Variants in RADX observed in about 807,000 individuals in gnomAD.
RADX encodes the protein RPA-related protein RADX.
A neutral mutation model predicts 61.6 loss-of-function variants in RADX; 36 were observed. The ratio of observed to expected loss-of-function variants is 0.58; its 90% confidence interval spans 0.45 to 0.77. The LOEUF is 0.77. RADX is among the 30% of genes least tolerant of loss of function. RADX has a pLI of 0.00. For missense variants in RADX, 497 were observed against 651.1 expected (o/e 0.76, Z 2.58); for synonymous variants, 272 against 237.9 (o/e 1.14, Z -1.32).
At chrX:106,637,024 G>C (rs751779202) in intron 7 of RADX, among the ~76,000 whole-genome samples, 1 of 111,643 alleles carries the variant, frequency 9.0e-6, no homozygotes, top group East Asian at 2.8e-4. Context: ...AAACAAAACT[G>C]AGTGTCAAAT....
At chrX:106,613,237 G>A (rs1414358649) in intron 1 of RADX, among the ~76,000 whole-genome samples, 3 of 111,892 alleles carry the variant, frequency 2.7e-5, no homozygotes, top group Admixed American at 9.5e-5. Flanking sequence ...TTGAAACGCC[G>A]TGTAACAGTT....
rs138814617 is a variant in RADX, at chrX:106,614,273, A to G, written c.643+1550A>G. ...GCAGTTTGTTGTGTATTTTTTTAAA[A>G]AAAAGGAATTAATGTCGCATTGTGT... On this transcript the variant is annotated intron_variant, in intron 1 of 13. Coordinates refer to ENST00000372548, the MANE Select transcript of RADX (RefSeq NM_018015.6). 1.1e-3 allele frequency among the ~76,000 whole-genome samples: 127 copies of G among 111,934 alleles called. No homozygotes were observed. The East Asian group carries it at 0.034, about 30-fold the overall frequency.
At chrX:106,653,303 T>G (rs1170989814) in intron 11 of RADX, among the ~76,000 whole-genome samples, 5 of 110,874 alleles carry the variant, frequency 4.5e-5, no homozygotes, top group African/African-American at 6.5e-5. Flanking sequence ...ATAGTTTATA[T>G]AGAAGTAAAG....
intron 3 of RADX, among the ~76,000 whole-genome samples, chrX:106,626,065 A>G (rs1927068917): frequency 8.9e-6 from 1 of 111,770 alleles, no homozygotes; most frequent in Admixed American, 9.6e-5. Context: ...GTATTGGTAT[A>G]TTGACATCAC....
At chrX:106,656,047 T>C (rs949191029) in intron 11 of RADX, among the ~76,000 whole-genome samples, 9 of 112,394 alleles carry the variant, frequency 8.0e-5, no homozygotes, top group African/African-American at 2.9e-4. Context: ...TCTTTCAAAA[T>C]TGGAGTCACT....
intron 12 of RADX, among the ~76,000 whole-genome samples, chrX:106,664,969 CTTCA>C (rs763189311): frequency 9.0e-6 from 1 of 111,636 alleles, no homozygotes; most frequent in African/African-American, 3.2e-5. Flanking sequence ...GTATTCATAT[CTTCA>C]TTCATTCAGG....
Position 106,669,314 on chromosome X carries a change from T to C in RADX, c.2421T>C (p.Gly807=), listed in dbSNP as rs1403706039. ...QDTTGNDRLP[G]PRAVAGDIIK... is the part of the protein sequence containing the mutation. ...CAACTGGAAATGACCGATTGCCAGG[T>C]CCAAGAGCGGTTGCAGGTAAAACAA... The change falls in exon 13 of 14, where the codon GGT becomes GGC. Residue 807 remains glycine (G), a synonymous_variant. Coordinates refer to ENST00000372548, the MANE Select transcript of RADX (RefSeq NM_018015.6). 4 of 1,188,134 alleles carry C rather than the reference T, an allele frequency of 3.4e-6. No individual in the cohort carries two copies. Among genetic ancestry groups the C allele is most frequent in the Non-Finnish European group, 4.5e-6 (4 of 884,626 alleles).
chrX:106,626,623 T>C (rs1927080027), intron 3 of RADX, among the ~76,000 whole-genome samples: 1 of 112,231 alleles, frequency 8.9e-6, no homozygotes, highest in Non-Finnish European at 1.9e-5. Context: ...GTATGAGAAA[T>C]TATTTATGCT....
intron 8 of RADX, 89 bp downstream of exon 8, chrX:106,638,013 C>A: frequency 2.6e-6 from 2 of 775,133 alleles, no homozygotes; most frequent in African/African-American, 2.1e-5. Context: ...TTATTCTTTT[C>A]TTTTATGGGA....
At chrX:106,629,855 G>A (rs1362608849) in intron 3 of RADX, among the ~76,000 whole-genome samples, 1 of 111,519 alleles carries the variant, frequency 9.0e-6, no homozygotes, top group African/African-American at 3.3e-5. Flanking sequence ...TGACTAGGTT[G>A]CATTTTTCCT....
At chrX:106,626,734 T>G (rs1293870235) in intron 3 of RADX, among the ~76,000 whole-genome samples, 1 of 112,456 alleles carries the variant, frequency 8.9e-6, no homozygotes, top group African/African-American at 3.2e-5. Flanking sequence ...ACAGTTTTAC[T>G]TCTTAGTAAT....
At position 106,628,781 on chromosome X, in the gene RADX, C is replaced by G. The variant is rs193248744; in HGVS notation, c.979+3499C>G. Among the ~76,000 whole-genome samples the G allele has an allele frequency of 2.0e-4, 22 of 109,472 alleles. No homozygotes were observed. In the Admixed American group the frequency reaches 2.2e-3, roughly 11 times the overall value. On this transcript the variant is annotated intron_variant, in intron 3 of 13. Coordinates refer to ENST00000372548, the MANE Select transcript of RADX (RefSeq NM_018015.6). ...GCCCGAGTAGCTGGGATTACAGGCGCCCACCACCATGCCAGGCTACTTTTT... is the reference window on the plus strand; with the variant it reads ...GCCCGAGTAGCTGGGATTACAGGCGGCCACCACCATGCCAGGCTACTTTTT...
rs193154775 is a variant in RADX, at chrX:106,659,824, G to C, written c.1979-2191G>C. ...AAAAATAAAGCATGTTTCTTTAGAG[G>C]AATTTTTCATATAAACATTTGTACC... On this transcript the variant is annotated intron_variant, in intron 11 of 13. Transcript: ENST00000372548. 2.2e-4 allele frequency among the ~76,000 whole-genome samples: 25 copies of C among 111,479 alleles called. No homozygotes were observed. In the East Asian group the frequency reaches 6.5e-3, roughly 29 times the overall value.
chrX:106,677,834 A>T (rs1167070894), intron 13 of RADX, among the ~76,000 whole-genome samples: 1 of 111,045 alleles, frequency 9.0e-6, no homozygotes, highest in Non-Finnish European at 1.9e-5. Flanking sequence ...CCTTGAAGAT[A>T]TCTGGATTTA....
At chrX:106,672,777 G>C (rs762020760) in intron 13 of RADX, among the ~76,000 whole-genome samples, 36 of 111,999 alleles carry the variant, frequency 3.2e-4, no homozygotes, top group African/African-American at 1.1e-3. Flanking sequence ...CCAGTGACTA[G>C]AGTCAAAAAT....
chrX:106,651,093 G>T (rs759392646), intron 11 of RADX, among the ~76,000 whole-genome samples: 1 of 110,633 alleles, frequency 9.0e-6, no homozygotes, highest in Non-Finnish European at 1.9e-5. Flanking sequence ...TAAATTGAAG[G>T]ATCACAGTGA....
chrX:106,635,699 G>C (rs906851302), intron 6 of RADX, among the ~76,000 whole-genome samples: 2 of 112,013 alleles, frequency 1.8e-5, no homozygotes, highest in African/African-American at 6.5e-5. Context: ...TCTCAAATGA[G>C]AAATTACTTT....
chrX:106,671,748 T>C (rs1426161739), intron 13 of RADX, among the ~76,000 whole-genome samples: 1 of 112,136 alleles, frequency 8.9e-6, no homozygotes, highest in East Asian at 2.8e-4. Flanking sequence ...TTGATTTGCA[T>C]TTATCAATTT....
chrX:106,644,008 C>T (rs1041141622), intron 10 of RADX, among the ~76,000 whole-genome samples: 1 of 111,287 alleles, frequency 9.0e-6, no homozygotes, highest in African/African-American at 3.3e-5. Context: ...TGGTTATGTT[C>T]ATTCCTAGGT....
Sources: gnomAD v4.1 joint callset for allele counts (sites outside exome capture counted in the v4.1 genomes callset) on GRCh38, gnomAD v4.1.1 for gene constraint, MANE v1.5 for transcripts, NCBI Gene and HGNC (gene_info 2026-07-23, HGNC 2026-07-21) for gene names.